Variants in TRIM2 observed in about 807,000 individuals in gnomAD.
TRIM2 encodes tripartite motif containing 2.
In TRIM2, 20 loss-of-function variants were observed where a neutral mutation model predicts 75.2. The observed-to-expected ratio is 0.27, with a 90% CI of 0.19 to 0.39. The LOEUF (loss-of-function observed/expected upper bound fraction) is 0.39. Ranked by LOEUF, TRIM2 falls within the 10% of genes least tolerant of loss-of-function variation. The probability of loss-of-function intolerance (pLI) is 1.00; values close to 1 mark genes in which losing one functional copy is unlikely to be tolerated. For missense variants in TRIM2, 660 were observed against 990.8 expected (o/e 0.67, Z 4.48); for synonymous variants, 373 against 388.3 (o/e 0.96, Z 0.46).
intron 1 of TRIM2, among the ~76,000 whole-genome samples, chr4:153,206,566 A>C (rs1735496022): frequency 6.6e-6 from 1 of 152,096 alleles, no homozygotes; most frequent in Non-Finnish European, 1.5e-5. Flanking sequence ...GTGTTCAGCT[A>C]TCCAGAAGCC....
At chr4:153,188,384 C>G (rs143254649) in intron 1 of TRIM2, among the ~76,000 whole-genome samples, 131 of 152,136 alleles carry the variant, frequency 8.6e-4, no homozygotes, top group African/African-American at 3.0e-3. Context: ...CATCTGAGCT[C>G]GAGAGGTAGA....
At chr4:153,283,586 A>G (rs1759844951) in intron 3 of TRIM2, among the ~76,000 whole-genome samples, 1 of 151,920 alleles carries the variant, frequency 6.6e-6, no homozygotes, top group African/African-American at 2.4e-5. Context: ...TGGAATTGCT[A>G]GACCATATGA....
At chr4:153,219,225 G>A (rs970419149) in intron 1 of TRIM2, among the ~76,000 whole-genome samples, 1 of 152,112 alleles carries the variant, frequency 6.6e-6, no homozygotes, top group Non-Finnish European at 1.5e-5. Flanking sequence ...GGAATCCAAA[G>A]TTTCAGAGTG....
upstream of TRIM2, among the ~76,000 whole-genome samples, chr4:153,202,592 G>A (rs963341534): frequency 4.0e-5 from 6 of 151,824 alleles, no homozygotes; most frequent in Non-Finnish European, 7.4e-5. Context: ...CCAGCTACTC[G>A]GGAGTCTGAG....
At chr4:153,267,508 C>T (rs536757206) in intron 1 of TRIM2, among the ~76,000 whole-genome samples, 11 of 151,984 alleles carry the variant, frequency 7.2e-5, no homozygotes, top group African/African-American at 1.7e-4. Context: ...AAAAATTAGC[C>T]GGGCGTGGTG....
At chr4:153,274,436 G>C (rs555555585) in intron 2 of TRIM2, among the ~76,000 whole-genome samples, 39 of 152,284 alleles carry the variant, frequency 2.6e-4, no homozygotes, top group Admixed American at 5.9e-4. Flanking sequence ...GAATGGGAGA[G>C]GATACAGTCT....
chr4:153,217,741 T>C (rs961702423), intron 1 of TRIM2, among the ~76,000 whole-genome samples: 1 of 152,200 alleles, frequency 6.6e-6, no homozygotes, highest in Non-Finnish European at 1.5e-5. Flanking sequence ...AGAATAAGGA[T>C]AAGAATTTAT....
intron 6 of TRIM2, among the ~76,000 whole-genome samples, chr4:153,309,462 G>A (rs1043764159): frequency 8.6e-5 from 13 of 152,046 alleles, no homozygotes; most frequent in African/African-American, 3.1e-4. Flanking sequence ...GATACAATGG[G>A]GGTTGTAATT....
At chr4:153,198,992 A>G (rs1734043433) in intron 1 of TRIM2, among the ~76,000 whole-genome samples, 2 of 152,232 alleles carry the variant, frequency 1.3e-5, no homozygotes, top group African/African-American at 4.8e-5. Context: ...CGAAATTTAG[A>G]AAGTAGTGAT....
At chr4:153,175,327 G>T (rs1284758442) in intron 1 of TRIM2, among the ~76,000 whole-genome samples, 2 of 152,000 alleles carry the variant, frequency 1.3e-5, no homozygotes, top group African/African-American at 4.8e-5. Flanking sequence ...GCCCCAACTG[G>T]TGCAGTTTTT....
intron 10 of TRIM2, 147 bp from the exon 11 acceptor site, chr4:153,328,383 C>A: frequency 1.4e-6 from 1 of 695,846 alleles, no homozygotes; most frequent in Non-Finnish European, 2.2e-6. Context: ...TGCAGTCTGT[C>A]TTGTAGATTT....
intron 1 of TRIM2, among the ~76,000 whole-genome samples, chr4:153,217,316 A>G (rs942693014): frequency 4.6e-5 from 7 of 152,288 alleles, no homozygotes; most frequent in Middle Eastern, 3.4e-3. Context: ...TACAAAGTAT[A>G]TGGGATTCAG....
intron 3 of TRIM2, among the ~76,000 whole-genome samples, chr4:153,288,240 C>T (rs1354042420): frequency 6.6e-6 from 1 of 151,898 alleles, no homozygotes; most frequent in African/African-American, 2.4e-5. Flanking sequence ...AGTTTGAGAC[C>T]AGCCTGGCCA....
At chr4:153,281,311 G>C (rs567966531) in intron 3 of TRIM2, among the ~76,000 whole-genome samples, 45 of 152,260 alleles carry the variant, frequency 3.0e-4, no homozygotes, top group African/African-American at 9.9e-4. Flanking sequence ...TTTTAATCCA[G>C]TAATTCCACC....
intron 1 of TRIM2, among the ~76,000 whole-genome samples, chr4:153,237,727 A>G (rs530809344): frequency 3.3e-5 from 5 of 152,238 alleles, no homozygotes; most frequent in Non-Finnish European, 7.3e-5. Context: ...GTAAATACAT[A>G]AACACATTTA....
rs554436951 is a variant in TRIM2 at position 153,178,214 on chromosome 4, T to C, written c.-49+24944T>C. 5.3e-5 allele frequency among the ~76,000 whole-genome samples: 8 copies of C among 152,140 alleles called. No homozygotes were observed. The South Asian group carries it at 1.7e-3, about 32-fold the overall frequency. On this transcript the variant is annotated intron_variant, in intron 1 of 11. Coordinates refer to the TRIM2 transcript ENST00000437508. ...CCACTGAGAGGTCAGGCTGGCCCTG[T>C]CTCGTAATGCAGCTCGGTTAGCACA...
chr4:153,314,125 C>A (rs1767013497), intron 6 of TRIM2, among the ~76,000 whole-genome samples: 1 of 152,070 alleles, frequency 6.6e-6, no homozygotes, highest in Non-Finnish European at 1.5e-5. Flanking sequence ...TGTCCGTTAA[C>A]CTGTAGATGA....
rs1271209207 is a variant in TRIM2 at position 153,295,372 on chromosome 4, C to T, written c.846C>T (p.Ser282=). 2.5e-6 allele frequency: 4 copies of T among 1,613,680 alleles called. No individual in the cohort carries two copies. Among genetic ancestry groups the T allele is most frequent in the Non-Finnish European group, 3.4e-6 (4 of 1,179,750 alleles). The change falls in exon 6 of 12, where the codon AGC becomes AGT. Residue 282 remains serine, a synonymous_variant. Transcript: ENST00000338700. This position sits in a 1 kb window ranked among gnomAD's most constrained non-coding sequence, Gnocchi z 7.2. ...LQGQESIKSC[S]NFTAQALNHG... is the part of the protein sequence containing the mutation. Reference sequence around the variant, plus strand: ...GGCAGGAGAGCATTAAGAGCTGCAGCAACTTCACAGCGCAGGCCCTCAACC... The same window carrying T: ...GGCAGGAGAGCATTAAGAGCTGCAGTAACTTCACAGCGCAGGCCCTCAACC...
intron 1 of TRIM2, among the ~76,000 whole-genome samples, chr4:153,168,108 G>C (rs78720786): frequency 0.018 from 2,621 of 145,724 alleles, 65 homozygotes; most frequent in African/African-American, 0.059. Context: ...AATTTACAAA[G>C]GTGTCTGTAC....
Sources: allele counts gnomAD v4.1 joint callset (sites outside exome capture counted in the v4.1 genomes callset), GRCh38; gene constraint gnomAD v4.1.1; non-coding constraint Gnocchi (gnomAD v3.1); transcripts MANE v1.5; gene names NCBI Gene and HGNC (gene_info 2026-07-23, HGNC 2026-07-21).